The following TENM3 variants were observed in gnomAD, a reference collection of about 807,000 sequenced individuals.
The protein encoded by TENM3 is teneurin transmembrane protein 3.
A neutral mutation model predicts 255.1 loss-of-function variants in TENM3; 63 were observed. The observed-to-expected ratio is 0.25, with a 90% CI of 0.20 to 0.30. The LOEUF is 0.30. Ranked by LOEUF, TENM3 falls within the 10% of genes least tolerant of loss-of-function variation. The pLI, the probability that TENM3 is intolerant of heterozygous loss-of-function variation, is 1.00. For missense variants in TENM3, 2,929 were observed against 3,461.1 expected (o/e 0.85, Z 3.86); for synonymous variants, 1,306 against 1,322.3 (o/e 0.99, Z 0.27).
the TENM3 span, among the ~76,000 whole-genome samples, chr4:182,076,964 T>A: frequency 6.6e-6 from 1 of 152,222 alleles, no homozygotes; most frequent in African/African-American, 2.4e-5. Context: ...ATATAATAGA[T>A]AATAAATGTT....
intron 3 of TENM3, among the ~76,000 whole-genome samples, chr4:182,594,730 GTT>G (rs56947224): frequency 1.2e-4 from 16 of 138,400 alleles, no homozygotes; most frequent in African/African-American, 5.5e-5. Context: ...GTGTGTGTGT[GTT>G]TTCCCGAGAT....
At chr4:182,448,162 G>A (rs1206675299) in intron 3 of TENM3, among the ~76,000 whole-genome samples, 1 of 152,188 alleles carries the variant, frequency 6.6e-6, no homozygotes, top group Non-Finnish European at 1.5e-5. Context: ...ACTCGTCAAC[G>A]TTAATGGGGG....
chr4:182,095,624 T>C, the TENM3 span, among the ~76,000 whole-genome samples: 3 of 152,126 alleles, frequency 2.0e-5, no homozygotes, highest in Non-Finnish European at 4.4e-5. Context: ...TACCTGGTGT[T>C]CAGTTAGAAG....
chr4:182,221,634 G>A (rs969900945), intron 1 of TENM3, among the ~76,000 whole-genome samples: 3 of 151,998 alleles, frequency 2.0e-5, no homozygotes, highest in South Asian at 2.1e-4. Flanking sequence ...CAGAAATCAC[G>A]ATCCTTTATG....
At chr4:181,836,650 C>G in the TENM3 span, among the ~76,000 whole-genome samples, 2 of 152,158 alleles carry the variant, frequency 1.3e-5, no homozygotes, top group Non-Finnish European at 2.9e-5. Flanking sequence ...TCAGCTTATG[C>G]CAATATCACC....
chr4:181,869,573 G>A, the TENM3 span, among the ~76,000 whole-genome samples: 11 of 152,034 alleles, frequency 7.2e-5, no homozygotes, highest in African/African-American at 2.2e-4. Context: ...TCACATTCAT[G>A]CCAGCATCAA....
intron 3 of TENM3, among the ~76,000 whole-genome samples, chr4:182,443,871 A>G (rs918586444): frequency 2.6e-5 from 4 of 152,202 alleles, no homozygotes; most frequent in Non-Finnish European, 5.9e-5. Context: ...TATCTAAAGA[A>G]AGAGCCCTAA....
chr4:182,136,121 A>T, the TENM3 span, among the ~76,000 whole-genome samples: 1 of 152,210 alleles, frequency 6.6e-6, no homozygotes, highest in African/African-American at 2.4e-5. Flanking sequence ...GCACTACAGT[A>T]TCAAGTTGTA....
the TENM3 span, among the ~76,000 whole-genome samples, chr4:182,114,446 A>G: frequency 2.0e-5 from 3 of 151,266 alleles, no homozygotes; most frequent in East Asian, 3.9e-4. Context: ...ATTTTATTCC[A>G]ATCGTTTTTA....
chr4:182,183,559 G>A (rs77337305), intron 1 of TENM3, among the ~76,000 whole-genome samples: 2,201 of 152,240 alleles, frequency 0.014, 25 homozygotes, highest in Non-Finnish European at 0.022. Context: ...ATTGGGGAAG[G>A]ATAATTTCCT....
At chr4:182,758,719 A>G (rs1762911458) in intron 22 of TENM3, among the ~76,000 whole-genome samples, 2 of 152,156 alleles carry the variant, frequency 1.3e-5, no homozygotes, top group African/African-American at 4.8e-5. Flanking sequence ...TAAGTTCACA[A>G]AGAAGGGATT....
intron 3 of TENM3, among the ~76,000 whole-genome samples, chr4:182,490,692 C>T (rs1031472404): frequency 4.2e-4 from 48 of 114,014 alleles, no homozygotes; most frequent in Non-Finnish European, 7.3e-4. Flanking sequence ...TTTAAAGTGA[C>T]GTTGTGAATG....
At chr4:182,688,385 C>T in intron 12 of TENM3, 34 bp downstream of exon 12, 1 of 1,484,412 alleles carries the variant, frequency 6.7e-7, no homozygotes, top group South Asian at 1.4e-5. Context: ...CTGTCCCCTT[C>T]CTCCCAGAGA....
chr4:181,710,103 C>T, the TENM3 span, among the ~76,000 whole-genome samples: 1 of 151,870 alleles, frequency 6.6e-6, no homozygotes. Context: ...AATTAGAGAC[C>T]CATCAACACA....
the TENM3 span, among the ~76,000 whole-genome samples, chr4:181,969,709 G>A: frequency 1.3e-5 from 2 of 152,122 alleles, no homozygotes; most frequent in African/African-American, 2.4e-5. Context: ...TCGTGTTAAC[G>A]TACATAATAA....
At chr4:181,564,504 C>T in the TENM3 span, among the ~76,000 whole-genome samples, 1 of 152,138 alleles carries the variant, frequency 6.6e-6, no homozygotes, top group Non-Finnish European at 1.5e-5. Context: ...ATGGAATAAG[C>T]CCCATGTCCA....
chr4:182,339,476 G>A (rs2150605968), intron 2 of TENM3, among the ~76,000 whole-genome samples: 1 of 152,276 alleles, frequency 6.6e-6, no homozygotes, highest in Admixed American at 6.5e-5. Context: ...TGTTAAGTAG[G>A]CAAGGGCTTC....
chr4:182,292,264 C>T (rs903651560), intron 1 of TENM3, among the ~76,000 whole-genome samples: 1 of 152,198 alleles, frequency 6.6e-6, no homozygotes, highest in Non-Finnish European at 1.5e-5. Context: ...AGAGCCATCT[C>T]AGAGGCCCCA....
chr4:181,719,562 C>T, the TENM3 span, among the ~76,000 whole-genome samples: 2 of 152,174 alleles, frequency 1.3e-5, no homozygotes, highest in Non-Finnish European at 2.9e-5. Context: ...GGGCTCCTTG[C>T]GGCCTCTTTT....
Sources: allele counts gnomAD v4.1 joint callset (sites outside exome capture counted in the v4.1 genomes callset), GRCh38; gene constraint gnomAD v4.1.1; transcripts MANE v1.5; gene names NCBI Gene and HGNC (gene_info 2026-07-23, HGNC 2026-07-21).